Variants in MATCAP2 observed in about 807,000 individuals in gnomAD.
MATCAP2 encodes the protein microtubule associated tyrosine carboxypeptidase 2.
At chr7:36,338,853 C>G in the MATCAP2 span, among the ~76,000 whole-genome samples, 2 of 152,250 alleles carry the variant, frequency 1.3e-5, no homozygotes, top group Non-Finnish European at 2.9e-5. Context: ...ATACTCCTTT[C>G]TATTGATTCC....
the MATCAP2 span, among the ~76,000 whole-genome samples, chr7:36,370,887 C>T: frequency 3.5e-3 from 528 of 152,266 alleles, 5 homozygotes; most frequent in African/African-American, 0.012. Flanking sequence ...AATGCCATTG[C>T]AGTTGTCTTA....
chr7:36,366,870 G>C, the MATCAP2 span: 1 of 1,492,260 alleles, frequency 6.7e-7, no homozygotes, highest in Non-Finnish European at 8.8e-7. Context: ...GCGGGACCCC[G>C]GTCCGCCCCG....
chr7:36,335,040 CCCTA>C, the MATCAP2 span: 1 of 1,610,226 alleles, frequency 6.2e-7, no homozygotes, highest in Non-Finnish European at 8.5e-7. Context: ...AAAGGATTGC[CCCTA>C]CCTATTTCAT....
chr7:36,366,873 C>A, the MATCAP2 span: 1 of 1,478,724 alleles, frequency 6.8e-7, no homozygotes, highest in South Asian at 1.3e-5. Flanking sequence ...GGACCCCGGT[C>A]CGCCCCGCAC....
the MATCAP2 span, among the ~76,000 whole-genome samples, chr7:36,374,905 A>G: frequency 6.6e-6 from 1 of 152,194 alleles, no homozygotes; most frequent in Non-Finnish European, 1.5e-5. Flanking sequence ...TCCATGGTGT[A>G]TATGTGCCAC....
chr7:36,383,935 A>G, the MATCAP2 span: 4 of 1,543,994 alleles, frequency 2.6e-6, no homozygotes, highest in Admixed American at 7.6e-5. Context: ...CTCCCTGTAA[A>G]AATAAAAAGA....
the MATCAP2 span, chr7:36,355,438 C>A: frequency 6.6e-6 from 1 of 152,310 alleles, no homozygotes; most frequent in East Asian, 1.9e-4. Context: ...ATTTGAATCA[C>A]AATTTTTAGC....
chr7:36,378,459 C>T, the MATCAP2 span, among the ~76,000 whole-genome samples: 1 of 152,230 alleles, frequency 6.6e-6, no homozygotes, highest in Admixed American at 6.5e-5. Flanking sequence ...CCTGATCCTT[C>T]CTCTGGAAGC....
At chr7:36,375,526 C>G in the MATCAP2 span, among the ~76,000 whole-genome samples, 1 of 152,152 alleles carries the variant, frequency 6.6e-6, no homozygotes, top group East Asian at 1.9e-4. Context: ...TCAATGTCGT[C>G]AGGGATATTG....
chr7:36,389,147 C>G, the MATCAP2 span, among the ~76,000 whole-genome samples: 1 of 151,808 alleles, frequency 6.6e-6, no homozygotes. Flanking sequence ...CTCCACCTCC[C>G]GGGTCCCAGT....
chr7:36,339,523 T>A, the MATCAP2 span, among the ~76,000 whole-genome samples: 1 of 152,196 alleles, frequency 6.6e-6, no homozygotes, highest in Non-Finnish European at 1.5e-5. Flanking sequence ...TTCAAGTGCA[T>A]GTAAAATGTG....
At chr7:36,362,178 A>G in the MATCAP2 span, among the ~76,000 whole-genome samples, 1 of 152,192 alleles carries the variant, frequency 6.6e-6, no homozygotes, top group South Asian at 2.1e-4. Context: ...ATCCTTAAAA[A>G]CATATTTATT....
chr7:36,336,057 C>T, the MATCAP2 span: 140 of 922,032 alleles, frequency 1.5e-4, no homozygotes, highest in Middle Eastern at 3.4e-4. Flanking sequence ...GGCAACAGAG[C>T]GAGACTCCAT....
the MATCAP2 span, among the ~76,000 whole-genome samples, chr7:36,347,948 G>A: frequency 6.6e-6 from 1 of 152,062 alleles, no homozygotes; most frequent in Non-Finnish European, 1.5e-5. Context: ...ACAAGATACT[G>A]TTTTTTAAAG....
At chr7:36,335,191 AG>A in the MATCAP2 span, 1 of 1,613,068 alleles carries the variant, frequency 6.2e-7, no homozygotes, top group Admixed American at 1.7e-5. Context: ...AAGGGGCAAG[AG>A]AAAAAGTACA....
At chr7:36,339,940 C>A in the MATCAP2 span, among the ~76,000 whole-genome samples, 3 of 152,164 alleles carry the variant, frequency 2.0e-5, no homozygotes, top group African/African-American at 7.2e-5. Context: ...CCAGGTGTTG[C>A]CCAGGCTGTT....
the MATCAP2 span, chr7:36,357,571 C>T: frequency 6.2e-7 from 1 of 1,611,688 alleles, no homozygotes; most frequent in Non-Finnish European, 8.5e-7. Context: ...CAAGTTCTTG[C>T]TCAGGCCAGT....
At chr7:36,359,920 G>A in the MATCAP2 span, among the ~76,000 whole-genome samples, 1 of 152,068 alleles carries the variant, frequency 6.6e-6, no homozygotes, top group African/African-American at 2.4e-5. Flanking sequence ...AAAGAAAACC[G>A]AAATAGATAC....
At chr7:36,382,763 G>A in the MATCAP2 span, among the ~76,000 whole-genome samples, 1 of 152,216 alleles carries the variant, frequency 6.6e-6, no homozygotes, top group African/African-American at 2.4e-5. Context: ...TAAGTGCTGG[G>A]ATTACAGGCG....
Sources: allele counts gnomAD v4.1 joint callset (sites outside exome capture counted in the v4.1 genomes callset), GRCh38; gene constraint gnomAD v4.1.1; transcripts MANE v1.5; gene names NCBI Gene and HGNC (gene_info 2026-07-23, HGNC 2026-07-21).